AP3S1: variants seen among roughly 807,000 people sequenced by gnomAD.
AP3S1 encodes adaptor related protein complex 3 subunit sigma 1.
In AP3S1, 12 loss-of-function variants were observed where a neutral mutation model predicts 21.3. The ratio of observed to expected loss-of-function variants is 0.56; its 90% CI spans 0.36 to 0.91. The LOEUF (loss-of-function observed/expected upper bound fraction) is 0.91. Ranked by LOEUF, AP3S1 falls within the 40% of genes least tolerant of loss-of-function variation. AP3S1 has a pLI of 0.01. For synonymous variants in AP3S1, 48 were observed against 78.4 expected, an observed-to-expected ratio of 0.61 and a Z score of 2.05; for missense variants, 116 against 225.0, an observed-to-expected ratio of 0.52 and a Z score of 3.10.
chr5:115,884,955 C>CA, intron 3 of AP3S1, among the ~76,000 whole-genome samples: 1 of 152,274 alleles, frequency 6.6e-6, no homozygotes, highest in East Asian at 1.9e-4. Context: ...TGGTTGATCT[C>CA]AGAGTTCTTC....
rs1161536985 is a variant in AP3S1 at position 115,913,568 on chromosome 5, A to G, written c.*78A>G. Reference sequence around the variant, plus strand: ...TTTACCATGCAGTTGTTTACCAAAAATAGAGGAGGAGAGTCTTAACTTTTG... The same window carrying G: ...TTTACCATGCAGTTGTTTACCAAAAGTAGAGGAGGAGAGTCTTAACTTTTG... On this transcript the variant is annotated 3_prime_UTR_variant, in exon 6 of 6. Transcript: ENST00000316788. The G allele has an allele frequency of 3.2e-6, 5 of 1,562,054 alleles. No homozygotes were observed. The highest frequency in any genetic ancestry group is 4.3e-6 in the Non-Finnish European group (5 of 1,156,486).
intron 2 of AP3S1, 54 bp downstream of exon 2, chr5:115,866,815 T>A (rs1763659053): frequency 8.1e-7 from 1 of 1,236,280 alleles, no homozygotes; most frequent in East Asian, 2.6e-5. Context: ...GATTAAAATA[T>A]ATACTGTTTA....
chr5:115,865,989 G>A (rs574968995), intron 1 of AP3S1, among the ~76,000 whole-genome samples: 1 of 152,136 alleles, frequency 6.6e-6, no homozygotes, highest in African/African-American at 2.4e-5. Context: ...GTAGAGACGG[G>A]GTTTCACTGT....
chr5:115,910,707 G>A (rs1345808134), intron 5 of AP3S1, among the ~76,000 whole-genome samples: 2 of 151,588 alleles, frequency 1.3e-5, no homozygotes, highest in African/African-American at 4.8e-5. Flanking sequence ...TTTTTTTTTA[G>A]CCCTAAATTT....
At chr5:115,845,723 A>T (rs952278237) in intron 1 of AP3S1, among the ~76,000 whole-genome samples, 1 of 151,552 alleles carries the variant, frequency 6.6e-6, no homozygotes, top group Non-Finnish European at 1.5e-5. Context: ...AAGTGCAGCT[A>T]CTCGCTCGAG....
intron 5 of AP3S1, among the ~76,000 whole-genome samples, chr5:115,905,467 A>G (rs1456165505): frequency 6.6e-6 from 1 of 152,180 alleles, no homozygotes; most frequent in Non-Finnish European, 1.5e-5. Context: ...GTCTTTTACA[A>G]GAAAGTATGT....
At chr5:115,878,829 G>A (rs1749002699) in intron 3 of AP3S1, among the ~76,000 whole-genome samples, 1 of 152,148 alleles carries the variant, frequency 6.6e-6, no homozygotes, top group African/African-American at 2.4e-5. Flanking sequence ...CTATCCATGA[G>A]CATGGAATGT....
intron 1 of AP3S1, among the ~76,000 whole-genome samples, chr5:115,859,799 C>T (rs1763042807): frequency 6.6e-6 from 1 of 152,200 alleles, no homozygotes; most frequent in Non-Finnish European, 1.5e-5. Context: ...GTTCCAATCT[C>T]CTGCCTAGAC....
At chr5:115,859,570 A>G (rs1763025101) in intron 1 of AP3S1, among the ~76,000 whole-genome samples, 1 of 152,236 alleles carries the variant, frequency 6.6e-6, no homozygotes, top group Non-Finnish European at 1.5e-5. Flanking sequence ...TACACCCAGT[A>G]GGCTTTCATG....
chr5:115,851,997 G>C (rs912450099), intron 1 of AP3S1, among the ~76,000 whole-genome samples: 5 of 152,046 alleles, frequency 3.3e-5, no homozygotes, highest in African/African-American at 1.2e-4. Context: ...TTAAATAAGA[G>C]AATGGTTGTG....
chr5:115,860,523 A>T (rs142057658), intron 1 of AP3S1, among the ~76,000 whole-genome samples: 468 of 152,238 alleles, frequency 3.1e-3, no homozygotes, highest in African/African-American at 0.011. Flanking sequence ...TTTTCAAACA[A>T]ACTTTCCATC....
At chr5:115,857,738 AAAATG>A in intron 1 of AP3S1, among the ~76,000 whole-genome samples, 1 of 152,318 alleles carries the variant, frequency 6.6e-6, no homozygotes, top group East Asian at 1.9e-4. Flanking sequence ...TCTGCTATTA[AAAATG>A]ATTATTTGGC....
At chr5:115,896,594 C>T (rs1042286060) in intron 4 of AP3S1, among the ~76,000 whole-genome samples, 7 of 152,012 alleles carry the variant, frequency 4.6e-5, no homozygotes, top group African/African-American at 1.7e-4. Flanking sequence ...TCCTGGGCAA[C>T]ATGGCAAAAC....
At chr5:115,853,284 T>C (rs1762574749) in intron 1 of AP3S1, among the ~76,000 whole-genome samples, 1 of 152,174 alleles carries the variant, frequency 6.6e-6, no homozygotes, top group Non-Finnish European at 1.5e-5. Context: ...TTGAAAGAAA[T>C]ATATATTCAA....
At chr5:115,842,840 G>T (rs1474458210) in intron 1 of AP3S1, among the ~76,000 whole-genome samples, 2 of 152,232 alleles carry the variant, frequency 1.3e-5, no homozygotes, top group African/African-American at 4.8e-5. Flanking sequence ...AACCGGCGAC[G>T]TTTGTAGTTG....
intron 3 of AP3S1, among the ~76,000 whole-genome samples, chr5:115,882,556 G>A (rs891952323): frequency 2.6e-5 from 4 of 152,212 alleles, no homozygotes; most frequent in Non-Finnish European, 5.9e-5. Flanking sequence ...ATTGCTGCCT[G>A]TTCCTTCCTC....
intron 1 of AP3S1, among the ~76,000 whole-genome samples, chr5:115,853,537 C>T (rs191315569): frequency 2.2e-4 from 34 of 152,178 alleles, no homozygotes; most frequent in Non-Finnish European, 4.4e-4. Context: ...AAATCTTTGC[C>T]TACTCCAAGG....
intron 1 of AP3S1, among the ~76,000 whole-genome samples, chr5:115,863,282 A>G (rs1012302564): frequency 1.3e-5 from 2 of 152,236 alleles, no homozygotes; most frequent in East Asian, 1.9e-4. Flanking sequence ...CTGTAATCCC[A>G]GCTACTTGGG....
Position 115,906,765 on chromosome 5 carries a change from CTT to C in AP3S1, c.453+3780_453+3781del, listed in dbSNP as rs1294652162. On this transcript the variant is annotated intron_variant, in intron 5 of 5. Transcript: ENST00000316788. ...TCACTACTTTTTGAAAGTCAGTCCT[CTT>C]TTTTTTCCGAACATCCTGATCTTTC... The C allele has an allele frequency of 6.0e-6, 8 of 1,338,570 alleles. No homozygotes were observed. In the Admixed American group the frequency reaches 2.1e-4, roughly 36 times the overall value. The allele number at this position is 1,338,570 out of a possible 1,614,324, so 82.9% of individuals were successfully genotyped here.
Sources: gnomAD v4.1 joint callset for allele counts (sites outside exome capture counted in the v4.1 genomes callset) on GRCh38, gnomAD v4.1.1 for gene constraint, MANE v1.5 for transcripts, NCBI Gene and HGNC (gene_info 2026-07-23, HGNC 2026-07-21) for gene names.